The following ZNF621 variants were observed in gnomAD, a reference collection of about 807,000 sequenced individuals.
ZNF621 encodes zinc finger protein 621.
ZNF621 carries 6 observed loss-of-function variants against 12.7 expected under a neutral mutation model. The observed-to-expected ratio is 0.47, with a 90% confidence interval of 0.26 to 0.93. The LOEUF (loss-of-function observed/expected upper bound fraction) is 0.93. ZNF621 is among the 40% of genes least tolerant of loss of function. The pLI, the probability that ZNF621 is intolerant of heterozygous loss-of-function variation, is 0.15. For missense variants in ZNF621, 474 were observed against 524.0 expected (o/e 0.90, Z 0.93); for synonymous variants, 156 against 190.3 (o/e 0.82, Z 1.48).
At chr3:40,529,005 T>G (rs993966891) in intron 2 of ZNF621, among the ~76,000 whole-genome samples, 1 of 152,208 alleles carries the variant, frequency 6.6e-6, no homozygotes, top group Non-Finnish European at 1.5e-5. Context: ...TCAGTTGTTT[T>G]CTCCAAAACA....
rs1698829592 is a variant in ZNF621, at chr3:40,534,984, A to C, written c.*1894A>C. 1 of 152,312 alleles carries C rather than the reference A, an allele frequency of 6.6e-6. No homozygotes were observed. Among genetic ancestry groups the C allele is most frequent in the South Asian group, 2.1e-4 (1 of 4,832 alleles). 9.4% of individuals were successfully genotyped at this position (152,312 alleles called of 1,614,324 possible). ...GGTCATACTACAATTTTTGGAGTCC[A>C]CTTAACTCCCCTGCTTTCCTAGGCC... is the stretch of plus-strand genomic sequence containing the variant. On this transcript the variant is annotated 3_prime_UTR_variant, in exon 5 of 5. Coordinates refer to ENST00000339296, the MANE Select transcript of ZNF621 (RefSeq NM_198484.5).
At position 40,539,191 on chromosome 3, in the gene ZNF621, G is replaced by A. The variant is rs1190662424; in HGVS notation, c.*6101G>A. The A allele has an allele frequency of 6.5e-6, 1 of 153,340 alleles. No individual in the cohort carries two copies. Among genetic ancestry groups the A allele is most frequent in the Non-Finnish European group, 1.5e-5 (1 of 68,846 alleles). 9.5% of individuals were successfully genotyped at this position (153,340 alleles called of 1,614,324 possible). A position where few individuals can be genotyped will look rare whatever the true frequency, so the allele number is the denominator to read the frequency against. On this transcript the variant is annotated 3_prime_UTR_variant, in exon 5 of 5. Coordinates refer to ENST00000339296, the MANE Select transcript of ZNF621 (RefSeq NM_198484.5). ...CTTCAATTTTGAAGAATGTTCCACTGTGGGTAAAAGGCTATCCAACAGCAA... is the reference window on the plus strand; with the variant it reads ...CTTCAATTTTGAAGAATGTTCCACTATGGGTAAAAGGCTATCCAACAGCAA...
rs745588712 is a variant in ZNF621, at chr3:40,529,464, G to A, written c.151+19G>A. The A allele has an allele frequency of 1.1e-5, 18 of 1,611,528 alleles. No homozygotes were observed. In the Admixed American group the frequency reaches 2.5e-4, roughly 22 times the overall value. Reference sequence around the variant, plus strand: ...TCTCTGGGTAAGGCCTCCCTCTGTGGCCCTTTGTAACAGTTTGCTATCTTC... The same window carrying A: ...TCTCTGGGTAAGGCCTCCCTCTGTGACCCTTTGTAACAGTTTGCTATCTTC... On this transcript the variant is annotated intron_variant, in intron 3 of 4. Coordinates refer to ENST00000339296, the MANE Select transcript of ZNF621 (RefSeq NM_198484.5).
At chr3:40,523,749 G>C (rs1050760429), upstream of ZNF621, among the ~76,000 whole-genome samples, 4 of 150,584 alleles carry the variant, frequency 2.7e-5, no homozygotes, top group East Asian at 7.8e-4. Context: ...CTGGGCGACA[G>C]AGCGAGACTC....
At chr3:40,531,483 C>T (rs1267425383) in intron 4 of ZNF621, among the ~76,000 whole-genome samples, 1 of 152,162 alleles carries the variant, frequency 6.6e-6, no homozygotes, top group African/African-American at 2.4e-5. Context: ...GTTCAATTTT[C>T]CAGCCTTCCT....
chr3:40,526,766 T>G (rs1698591703), intron 2 of ZNF621, among the ~76,000 whole-genome samples: 1 of 152,188 alleles, frequency 6.6e-6, no homozygotes, highest in Non-Finnish European at 1.5e-5. Flanking sequence ...ATGGTTGGAT[T>G]TACATATTAA....
Position 40,536,800 on chromosome 3 carries a change from C to G in ZNF621, c.*3710C>G, listed in dbSNP as rs953527379. 6 of 152,206 alleles carry G rather than the reference C, an allele frequency of 3.9e-5. No homozygotes were observed. The highest frequency in any genetic ancestry group is 1.4e-4 in the African/African-American group (6 of 41,456). 9.4% of individuals were successfully genotyped at this position (152,206 alleles called of 1,614,324 possible). A position where few individuals can be genotyped will look rare whatever the true frequency, so the allele number is the denominator to read the frequency against. On this transcript the variant is annotated 3_prime_UTR_variant, in exon 5 of 5. Coordinates refer to ENST00000339296, the MANE Select transcript of ZNF621 (RefSeq NM_198484.5). ...GCAGGCCTGTGTTGAGCAAGACTAT[C>G]AGTGCCATTTTTTTTCAACAGCATG...
chr3:40,534,029 T>G lies in ZNF621; in HGVS notation c.*939T>G, dbSNP rs1698804120. The G allele has an allele frequency of 6.6e-6, 1 of 152,638 alleles. No homozygotes were observed. The highest frequency in any genetic ancestry group is 1.5e-5 in the Non-Finnish European group (1 of 68,024). 9.5% of individuals were successfully genotyped at this position (152,638 alleles called of 1,614,324 possible). A position where few individuals can be genotyped will look rare whatever the true frequency, so the allele number is the denominator to read the frequency against. ...TGCTCTTGATAGCTAGATGTTTCTTTTAACTTTTATTTCGTAAGTAAATAT... is the reference window on the plus strand; with the variant it reads ...TGCTCTTGATAGCTAGATGTTTCTTGTAACTTTTATTTCGTAAGTAAATAT... On this transcript the variant is annotated 3_prime_UTR_variant, in exon 5 of 5. Coordinates refer to ENST00000339296, the MANE Select transcript of ZNF621 (RefSeq NM_198484.5).
In ZNF621 at chr3:40,533,165, G is replaced by C; in HGVS notation, c.*75G>C. On this transcript the variant is annotated 3_prime_UTR_variant, in exon 5 of 5. Coordinates refer to ENST00000339296, the MANE Select transcript of ZNF621 (RefSeq NM_198484.5). ...TAATTTTATATATTTTTTTGAGAAA[G>C]GGTCTTGCTCTGTCACCCAGGCTAG... 6.7e-7 allele frequency: 1 copy of C among 1,491,820 alleles called. No individual in the cohort carries two copies. The highest frequency in any genetic ancestry group is 1.4e-5 in the African/African-American group (1 of 71,154). The allele number at this position is 1,491,820 out of a possible 1,614,324, so 92.4% of individuals were successfully genotyped here.
rs1283534517 is a variant in ZNF621 at position 40,525,824 on chromosome 3, G to A, written c.-17G>A. 2 of 1,614,208 alleles carry A rather than the reference G, an allele frequency of 1.2e-6. No homozygotes were observed. Among genetic ancestry groups the A allele is most frequent in the Non-Finnish European group, 1.7e-6 (2 of 1,180,032 alleles). On this transcript the variant is annotated 5_prime_UTR_variant, in exon 2 of 5. Coordinates refer to ENST00000339296, the MANE Select transcript of ZNF621 (RefSeq NM_198484.5). ...CCAAACCCAGAAGACAGTGCATGAA[G>A]CCAGGGGACATCCGCCATGCTCCAA... is the stretch of plus-strand genomic sequence containing the variant.
chr3:40,523,570 C>G (rs1206245968), upstream of ZNF621, among the ~76,000 whole-genome samples: 1 of 152,172 alleles, frequency 6.6e-6, no homozygotes, highest in Non-Finnish European at 1.5e-5. Context: ...TCGACACCAT[C>G]CTGGCTAACA....
chr3:40,527,853 A>G (rs1369446306), intron 2 of ZNF621, among the ~76,000 whole-genome samples: 1 of 152,250 alleles, frequency 6.6e-6, no homozygotes. Flanking sequence ...TACTTAAAAT[A>G]GTTTTTTAGA....
At chr3:40,524,488 G>C (rs374499325), upstream of ZNF621, among the ~76,000 whole-genome samples, 81 of 152,314 alleles carry the variant, frequency 5.3e-4, no homozygotes, top group African/African-American at 1.8e-3. Context: ...CCTTGGAAGG[G>C]AGAGGGCTAA....
chr3:40,532,626 A>G lies in ZNF621; in HGVS notation c.856A>G (p.Thr286Ala). ...TTTTATTGTCCATCAGAGAATTCATACTGGGGAGAAACCTTATCAATGTAA... is the reference window on the plus strand; with the variant it reads ...TTTTATTGTCCATCAGAGAATTCATGCTGGGGAGAAACCTTATCAATGTAA... ...SLFIVHQRIH[T>A]GEKPYQCKEC... Residue 286 changes from threonine (T) to alanine (A), a missense_variant, in exon 5 of 5, where the codon ACT becomes GCT. Physicochemically the swap from Thr to Ala is moderately conservative, Grantham distance 58. Transcript: ENST00000339296. 1 of 1,614,184 alleles carries G rather than the reference A, an allele frequency of 6.2e-7. No homozygotes were observed. The highest frequency in any genetic ancestry group is 8.5e-7 in the Non-Finnish European group (1 of 1,180,028).
intron 4 of ZNF621, among the ~76,000 whole-genome samples, chr3:40,530,905 T>C (rs899423574): frequency 6.6e-6 from 1 of 152,118 alleles, no homozygotes; most frequent in Non-Finnish European, 1.5e-5. Flanking sequence ...CACAAACACA[T>C]GCACACACGC....
chr3:40,537,877 T>G lies in ZNF621; in HGVS notation c.*4787T>G, dbSNP rs1303124520. 6.6e-6 allele frequency among the ~76,000 whole-genome samples: 1 copy of G among 152,204 alleles called. No individual in the cohort carries two copies. ...ATCCAGATCTAGCTAAGTTAATTGATGAAGTTGCTACACCACGAGATTTTC... is the reference window on the plus strand; with the variant it reads ...ATCCAGATCTAGCTAAGTTAATTGAGGAAGTTGCTACACCACGAGATTTTC... On this transcript the variant is annotated 3_prime_UTR_variant, in exon 5 of 5. Coordinates refer to ENST00000339296, the MANE Select transcript of ZNF621 (RefSeq NM_198484.5).
At position 40,530,292 on chromosome 3, in the gene ZNF621, G is replaced by A. The variant is rs770964757; in HGVS notation, c.235G>A (p.Glu79Lys). The A allele has an allele frequency of 1.1e-5, 17 of 1,613,784 alleles. No homozygotes were observed. Among genetic ancestry groups the A allele is most frequent in the Middle Eastern group, 1.6e-4 (1 of 6,084 alleles). Reference protein sequence around the residue: ...APWGPDPWDTEILRGISQGGE... With the variant: ...APWGPDPWDTKILRGISQGGE... Reference sequence around the variant, plus strand: ...ATGGGGCCCAGATCCCTGGGACACCGAGATTCTGAGAGGCATCAGTCAAGG... The same window carrying A: ...ATGGGGCCCAGATCCCTGGGACACCAAGATTCTGAGAGGCATCAGTCAAGG... The change falls in exon 4 of 5, where the codon GAG becomes AAG. Residue 79 changes from glutamate (E) to lysine (K), a missense_variant. Physicochemically the swap from Glu to Lys is moderately conservative, Grantham distance 56. Transcript: ENST00000339296.
chr3:40,531,708 GT>G (rs763028457), intron 4 of ZNF621, among the ~76,000 whole-genome samples: 3 of 152,026 alleles, frequency 2.0e-5, no homozygotes, highest in African/African-American at 4.8e-5. Flanking sequence ...GACCACAGGG[GT>G]GCGCCACCAT....
chr3:40,523,638 T>C (rs1002164319), upstream of ZNF621, among the ~76,000 whole-genome samples: 11 of 151,904 alleles, frequency 7.2e-5, no homozygotes, highest in East Asian at 9.7e-4. Flanking sequence ...GGTGGCGGGG[T>C]GCCTGTAGTC....
Sources: gnomAD v4.1 joint callset for allele counts (sites outside exome capture counted in the v4.1 genomes callset) on GRCh38, gnomAD v4.1.1 for gene constraint, MANE v1.5 for transcripts, NCBI Gene and HGNC (gene_info 2026-07-23, HGNC 2026-07-21) for gene names.